Variants in GALNT13 observed in about 807,000 individuals in gnomAD.
The protein encoded by GALNT13 is polypeptide N-acetylgalactosaminyltransferase 13.
In GALNT13, 28 loss-of-function variants were observed where a neutral mutation model predicts 64.2. That is an observed-to-expected ratio of 0.44 (90% confidence interval 0.32 to 0.60). The LOEUF (loss-of-function observed/expected upper bound fraction) is 0.60, where lower values mean the gene tolerates loss of function less well. Among genes scored for constraint, GALNT13 ranks in the 20% least tolerant of loss-of-function variants. The pLI, the probability that GALNT13 is intolerant of heterozygous loss-of-function variation, is 0.05. For missense variants in GALNT13, 577 were observed against 669.8 expected (o/e 0.86, Z 1.53); for synonymous variants, 214 against 224.6 (o/e 0.95, Z 0.42).
chr2:154,218,689 G>A (rs1475523884), intron 4 of GALNT13, among the ~76,000 whole-genome samples: 2 of 151,930 alleles, frequency 1.3e-5, no homozygotes, highest in African/African-American at 4.8e-5. Flanking sequence ...ACTTTATCTT[G>A]AATCTTAGCC....
chr2:153,670,663 C>G, the GALNT13 span, among the ~76,000 whole-genome samples: 21 of 152,148 alleles, frequency 1.4e-4, no homozygotes, highest in African/African-American at 4.1e-4. Flanking sequence ...GAACACAGCT[C>G]CTCACCAGCA....
rs560163661 is a variant in GALNT13 at position 154,368,056 on chromosome 2, G to A, written c.1157-27935G>A. On this transcript the variant is annotated intron_variant, in intron 9 of 12. Coordinates refer to ENST00000392825, the MANE Select transcript of GALNT13 (RefSeq NM_052917.4). ...AAAAGTTTGGGTTTGGGCCAACAGC[G>A]GACATTGAAATATGAGTATATTTTT... is the stretch of plus-strand genomic sequence containing the variant. Among the ~76,000 whole-genome samples, 24 of 152,116 alleles carry A rather than the reference G, an allele frequency of 1.6e-4. No homozygotes were observed. The East Asian group carries it at 4.1e-3, about 26-fold the overall frequency.
chr2:153,190,574 T>C, the GALNT13 span, among the ~76,000 whole-genome samples: 4 of 152,216 alleles, frequency 2.6e-5, no homozygotes, highest in South Asian at 2.1e-4. Context: ...GGTTCTTTTT[T>C]GGTTTCATAC....
the GALNT13 span, among the ~76,000 whole-genome samples, chr2:153,708,466 T>C: frequency 3.3e-5 from 5 of 152,264 alleles, no homozygotes; most frequent in South Asian, 1.0e-3. Context: ...TTAGCTTTAT[T>C]TTATAGATAT....
intron 9 of GALNT13, among the ~76,000 whole-genome samples, chr2:154,314,031 A>T (rs550725949): frequency 6.6e-6 from 1 of 152,288 alleles, no homozygotes; most frequent in South Asian, 2.1e-4. Context: ...GGTACAAATG[A>T]TCAAGAACAC....
chr2:153,875,971 T>C (rs1482816693), intron 1 of GALNT13, among the ~76,000 whole-genome samples: 1 of 152,144 alleles, frequency 6.6e-6, no homozygotes, highest in African/African-American at 2.4e-5. Flanking sequence ...AGAAGGAACA[T>C]GTAGACATCT....
In GALNT13 at chr2:154,451,903, G is replaced by A. The variant is rs1701885142; in HGVS notation, c.*1352G>A. 6.6e-6 allele frequency: 1 copy of A among 152,068 alleles called. No homozygotes were observed. Among genetic ancestry groups the A allele is most frequent in the African/African-American group, 2.4e-5 (1 of 41,414 alleles). The allele number at this position is 152,068 out of a possible 1,614,324, so 9.4% of individuals were successfully genotyped here. A position where few individuals can be genotyped will look rare whatever the true frequency, so the allele number is the denominator to read the frequency against. ...GGAAAAGTGGAAGAAGTGTTTTCTG[G>A]AGCAGAAGATTCCACTTCTTTGGTC... is the stretch of plus-strand genomic sequence containing the variant. On this transcript the variant is annotated 3_prime_UTR_variant, in exon 13 of 13. Transcript: ENST00000392825.
chr2:154,442,465 C>T lies in GALNT13; in HGVS notation c.1530+3739C>T, dbSNP rs539715585. On this transcript the variant is annotated intron_variant, in intron 12 of 12. Coordinates refer to ENST00000392825, the MANE Select transcript of GALNT13 (RefSeq NM_052917.4). ...TGGCCTAACCTGTTTGAATTGAGGG[C>T]ATCCTGGGCATCATTAGCAAAATTG... 1.6e-4 allele frequency among the ~76,000 whole-genome samples: 25 copies of T among 152,154 alleles called. 1 individual carries two copies. The South Asian group carries it at 4.8e-3, about 29-fold the overall frequency.
the GALNT13 span, among the ~76,000 whole-genome samples, chr2:153,554,652 G>GTA: frequency 6.9e-6 from 1 of 145,506 alleles, no homozygotes; most frequent in Non-Finnish European, 1.5e-5. Flanking sequence ...CCGGGATGCT[G>GTA]TATATGTGTG....
the GALNT13 span, among the ~76,000 whole-genome samples, chr2:153,557,926 C>T: frequency 2.0e-5 from 3 of 152,144 alleles, no homozygotes; most frequent in Non-Finnish European, 4.4e-5. Flanking sequence ...TATACCTTTT[C>T]TTCCTTCAAG....
At chr2:153,486,775 C>T in the GALNT13 span, among the ~76,000 whole-genome samples, 2 of 152,090 alleles carry the variant, frequency 1.3e-5, no homozygotes, top group African/African-American at 4.8e-5. Flanking sequence ...CAATTTTTGC[C>T]TCCACAGAAT....
chr2:153,693,479 C>A, the GALNT13 span, among the ~76,000 whole-genome samples: 1 of 151,920 alleles, frequency 6.6e-6, no homozygotes, highest in Non-Finnish European at 1.5e-5. Context: ...AGGTTGTAAA[C>A]CAAAAAGTGA....
At chr2:153,375,082 T>G in the GALNT13 span, among the ~76,000 whole-genome samples, 1 of 152,140 alleles carries the variant, frequency 6.6e-6, no homozygotes, top group African/African-American at 2.4e-5. Flanking sequence ...CTTCTGGAGT[T>G]TGGCCTACTT....
the GALNT13 span, among the ~76,000 whole-genome samples, chr2:153,146,966 C>A: frequency 6.6e-6 from 1 of 151,794 alleles, no homozygotes; most frequent in Non-Finnish European, 1.5e-5. Context: ...ATATTCCTTA[C>A]TATTTTCACT....
the GALNT13 span, among the ~76,000 whole-genome samples, chr2:153,587,455 C>G: frequency 6.6e-6 from 1 of 152,206 alleles, no homozygotes; most frequent in South Asian, 2.1e-4. Flanking sequence ...GCTGGAGCAG[C>G]CTCACAATCA....
chr2:154,205,125 G>A (rs1488441633), intron 4 of GALNT13, among the ~76,000 whole-genome samples: 1 of 152,108 alleles, frequency 6.6e-6, no homozygotes, highest in African/African-American at 2.4e-5. Flanking sequence ...GTGTTCCCTT[G>A]ATACTGGGCT....
chr2:153,357,130 A>C, the GALNT13 span: 1 of 152,134 alleles, frequency 6.6e-6, no homozygotes, highest in Admixed American at 6.6e-5. Context: ...TTTTCAATTA[A>C]TTTGATTATT....
chr2:154,256,208 A>G (rs1167345083), intron 7 of GALNT13, among the ~76,000 whole-genome samples: 3 of 152,148 alleles, frequency 2.0e-5, no homozygotes, highest in Admixed American at 6.5e-5. Context: ...TCTTAATAGC[A>G]GAAGTAAATG....
At chr2:154,413,834 T>C (rs2105404340) in intron 11 of GALNT13, among the ~76,000 whole-genome samples, 1 of 152,212 alleles carries the variant, frequency 6.6e-6, no homozygotes, top group South Asian at 2.1e-4. Flanking sequence ...TAAACTATAA[T>C]TGATTTATTC....
Sources: gnomAD v4.1 joint callset for allele counts (sites outside exome capture counted in the v4.1 genomes callset) on GRCh38, gnomAD v4.1.1 for gene constraint, MANE v1.5 for transcripts, NCBI Gene and HGNC (gene_info 2026-07-23, HGNC 2026-07-21) for gene names.